LPIN2: variants seen among roughly 807,000 people sequenced by gnomAD.
LPIN2 encodes lipin 2, also known as phosphatidate phosphatase LPIN2.
A neutral mutation model predicts 111.4 loss-of-function variants in LPIN2; 55 were observed. The observed-to-expected ratio is 0.49, with a 90% confidence interval of 0.40 to 0.62. The LOEUF (loss-of-function observed/expected upper bound fraction) is 0.62. Ranked by LOEUF, LPIN2 falls within the 20% of genes least tolerant of loss-of-function variation. The pLI is 0.00. For synonymous variants in LPIN2, 425 were observed against 414.0 expected, an observed-to-expected ratio of 1.03 and a Z score of -0.32; for missense variants, 992 against 1,112.1, an observed-to-expected ratio of 0.89 and a Z score of 1.54.
At chr18:2,995,830 G>C (rs763129653) in intron 1 of LPIN2, among the ~76,000 whole-genome samples, 1 of 152,176 alleles carries the variant, frequency 6.6e-6, no homozygotes, top group Non-Finnish European at 1.5e-5. Context: ...AAAGGAAGGG[G>C]TGTTTCAAAA....
intron 9 of LPIN2, among the ~76,000 whole-genome samples, chr18:2,930,286 T>G (rs2077195679): frequency 6.6e-6 from 1 of 152,378 alleles, no homozygotes; most frequent in Middle Eastern, 3.4e-3. Context: ...GCATATAATT[T>G]TTTAAACTGA....
chr18:2,936,749 T>A (rs1283468007), intron 7 of LPIN2, among the ~76,000 whole-genome samples: 1 of 152,086 alleles, frequency 6.6e-6, no homozygotes, highest in East Asian at 1.9e-4. Flanking sequence ...CAGGCTCAGT[T>A]TTTTATGTTT....
Position 2,996,722 on chromosome 18 carries a change from C to T in LPIN2, c.-10+16365G>A, listed in dbSNP as rs62077516. On this transcript the variant is annotated intron_variant, in intron 1 of 19. Coordinates refer to ENST00000677752, the MANE Select transcript of LPIN2 (RefSeq NM_001375808.2). ...TCGATCTCCTGACGTCATGATCCAC[C>T]CACCTCGGCCTTCCAAAGTGCTGGG... 7.2e-3 allele frequency among the ~76,000 whole-genome samples: 1,099 copies of T among 152,078 alleles called. 12 individuals carry two copies. The highest frequency in any genetic ancestry group is 0.012 in the Non-Finnish European group (814 of 68,000).
At chr18:3,009,855 T>C (rs1047219529) in intron 1 of LPIN2, among the ~76,000 whole-genome samples, 1 of 152,244 alleles carries the variant, frequency 6.6e-6, no homozygotes, top group African/African-American at 2.4e-5. Context: ...TGAATCAAAT[T>C]AGTAAAAATG....
At chr18:2,956,852 T>C (rs2077623549) in intron 2 of LPIN2, among the ~76,000 whole-genome samples, 1 of 152,224 alleles carries the variant, frequency 6.6e-6, no homozygotes, top group African/African-American at 2.4e-5. Context: ...GTTTGGTCTT[T>C]CCAAAAATTA....
At chr18:2,974,321 G>A (rs866086948) in intron 1 of LPIN2, among the ~76,000 whole-genome samples, 108 of 152,188 alleles carry the variant, frequency 7.1e-4, no homozygotes, top group African/African-American at 2.1e-3. Context: ...CTCGCGATCC[G>A]CCCGCCTCAG....
intron 1 of LPIN2, among the ~76,000 whole-genome samples, chr18:2,987,378 CAACA>C (rs1280330089): frequency 6.6e-6 from 1 of 152,154 alleles, no homozygotes; most frequent in Non-Finnish European, 1.5e-5. Flanking sequence ...CCAAAAACAG[CAACA>C]AACAACAAAT....
intron 1 of LPIN2, among the ~76,000 whole-genome samples, chr18:3,007,109 A>G (rs1413736927): frequency 6.6e-6 from 1 of 152,170 alleles, no homozygotes; most frequent in Admixed American, 6.5e-5. Context: ...CGAATAGTTC[A>G]TATGTAAATT....
chr18:2,987,902 G>C (rs2078209356), intron 1 of LPIN2, among the ~76,000 whole-genome samples: 1 of 151,500 alleles, frequency 6.6e-6, no homozygotes, highest in South Asian at 2.1e-4. Context: ...AGCTGAGTGT[G>C]GTGGCTCACG....
intron 1 of LPIN2, among the ~76,000 whole-genome samples, chr18:2,996,669 G>T (rs2078350278): frequency 6.6e-6 from 1 of 151,550 alleles, no homozygotes; most frequent in Non-Finnish European, 1.5e-5. Context: ...AGTAGAGACG[G>T]GGTTTCACCG....
intron 1 of LPIN2, chr18:2,991,101 C>T (rs2078258345): frequency 4.0e-6 from 2 of 502,218 alleles, no homozygotes; most frequent in East Asian, 4.8e-5. Context: ...GGGAGGCCTC[C>T]CTATATCAGT....
In LPIN2 at chr18:2,990,166, A is replaced by C. The variant is rs566589167; in HGVS notation, c.-10+22921T>G. On this transcript the variant is annotated intron_variant, in intron 1 of 19. Transcript: ENST00000677752. ...AACCCTACTTTACACCATATTAAAAAATTAACTCAAAATGGATTAATGACC... is the reference window on the plus strand; with the variant it reads ...AACCCTACTTTACACCATATTAAAACATTAACTCAAAATGGATTAATGACC... Among the ~76,000 whole-genome samples, 11 of 152,324 alleles carry C rather than the reference A, an allele frequency of 7.2e-5. No individual in the cohort carries two copies. The South Asian group carries it at 2.3e-3, about 32-fold the overall frequency.
intron 9 of LPIN2, among the ~76,000 whole-genome samples, chr18:2,929,469 AAGAC>A (rs768444391): frequency 8.5e-5 from 13 of 152,200 alleles, no homozygotes; most frequent in South Asian, 4.1e-4. Flanking sequence ...CAGACACAGA[AAGAC>A]AGACAGACAC....
At chr18:2,968,893 A>C (rs558221657) in intron 1 of LPIN2, among the ~76,000 whole-genome samples, 2 of 152,150 alleles carry the variant, frequency 1.3e-5, no homozygotes, top group Non-Finnish European at 2.9e-5. Context: ...CAGAGAGACT[A>C]CTCCAGAAGT....
At chr18:2,999,570 C>T (rs2078398912) in intron 1 of LPIN2, among the ~76,000 whole-genome samples, 1 of 150,938 alleles carries the variant, frequency 6.6e-6, no homozygotes, top group Admixed American at 6.6e-5. Flanking sequence ...CGCCACTGCA[C>T]TCCAGCCTGG....
intron 1 of LPIN2, 128 bp from the exon 2 acceptor site, chr18:2,960,977 ATT>A (rs2143204595): frequency 6.4e-6 from 1 of 155,834 alleles, no homozygotes; most frequent in South Asian, 4.4e-5. Flanking sequence ...AGCCTTATTA[ATT>A]TTCAACCTAA....
At chr18:2,921,443 G>T (rs1568506477) in intron 18 of LPIN2, 90 bp downstream of exon 18, 1 of 964,140 alleles carries the variant, frequency 1.0e-6, no homozygotes, top group Non-Finnish European at 1.7e-6. Flanking sequence ...TTACAAAACT[G>T]CTTTGAGAAT....
intron 1 of LPIN2, among the ~76,000 whole-genome samples, chr18:2,969,799 C>T (rs183532512): frequency 1.2e-4 from 19 of 152,282 alleles, no homozygotes; most frequent in Non-Finnish European, 2.4e-4. Context: ...CTGACAGACA[C>T]CCAAGTTTGG....
At chr18:2,960,178 G>A (rs939500495) in intron 2 of LPIN2, among the ~76,000 whole-genome samples, 22 of 104,124 alleles carry the variant, frequency 2.1e-4, no homozygotes, top group African/African-American at 8.7e-4. Context: ...TCAAAAATGT[G>A]TGTGTGTGTG....
Sources: gnomAD v4.1 joint callset for allele counts (sites outside exome capture counted in the v4.1 genomes callset) on GRCh38, gnomAD v4.1.1 for gene constraint, MANE v1.5 for transcripts, NCBI Gene and HGNC (gene_info 2026-07-23, HGNC 2026-07-21) for gene names.